The following AMOTL2 variants were observed in gnomAD, a reference collection of about 807,000 sequenced individuals.
AMOTL2 encodes angiomotin-like protein 2.
A neutral mutation model predicts 78.4 loss-of-function variants in AMOTL2; 33 were observed. The observed-to-expected ratio is 0.42, with a 90% CI of 0.32 to 0.56. The LOEUF (loss-of-function observed/expected upper bound fraction) is 0.56. AMOTL2 is among the 20% of genes least tolerant of loss of function. AMOTL2 has a pLI of 0.12. For synonymous variants in AMOTL2, 422 were observed against 428.8 expected (o/e 0.98, Z 0.20); for missense variants, 983 against 1,030.1 (o/e 0.95, Z 0.63).
chr3:134,359,574 T>A, intron 7 of AMOTL2, 71 bp from the exon 8 acceptor site: 1 of 1,334,944 alleles, frequency 7.5e-7, no homozygotes. Context: ...TCCTGCCTCA[T>A]AGGAGTTAGA....
At chr3:134,372,180 AC>A (rs1367229513) in intron 1 of AMOTL2, among the ~76,000 whole-genome samples, 5 of 151,914 alleles carry the variant, frequency 3.3e-5, no homozygotes, top group Non-Finnish European at 5.9e-5. Context: ...AGCCCGCTGA[AC>A]CCCTGGCCAC....
At chr3:134,372,530 A>AACACAC (rs58443336) in intron 1 of AMOTL2, among the ~76,000 whole-genome samples, 2,878 of 144,410 alleles carry the variant, frequency 0.02, 90 homozygotes, top group African/African-American at 0.063. Context: ...TATCCTCCCC[A>AACACAC]ACACACACAC....
At chr3:134,373,960 C>A in intron 1 of AMOTL2, 1 of 485,384 alleles carries the variant, frequency 2.1e-6, no homozygotes, top group Non-Finnish European at 2.7e-6. Context: ...CCCACCTAAC[C>A]AAATCAGCCC....
At chr3:134,364,222 C>G (rs911160516) in intron 5 of AMOTL2, among the ~76,000 whole-genome samples, 1 of 151,828 alleles carries the variant, frequency 6.6e-6, no homozygotes, top group Non-Finnish European at 1.5e-5. Flanking sequence ...GGGGGCGGGC[C>G]GGGAGCGGAA....
intron 4 of AMOTL2, among the ~76,000 whole-genome samples, 171 bp downstream of exon 4, chr3:134,366,111 CA>C (rs1443314094): frequency 6.6e-6 from 1 of 152,224 alleles, no homozygotes; most frequent in Non-Finnish European, 1.5e-5. Flanking sequence ...AGGCCCAGTA[CA>C]TAGAGACAAG....
At position 134,361,702 on chromosome 3, in the gene AMOTL2, A is replaced by G. The variant is rs1364557402; in HGVS notation, c.1385T>C (p.Leu462Pro). The change falls in exon 6 of 10, where the codon CTG (leucine) becomes CCG (proline). Residue 462 changes from leucine (L) to proline (P), a missense_variant. Physicochemically the swap from Leu to Pro is moderately conservative, Grantham distance 98. Coordinates refer to ENST00000249883, the MANE Select transcript of AMOTL2 (RefSeq NM_016201.4). ...AGCTGCCCGGCCCTGCGCATTGCCC[A>G]GAGCCTGCTCCAGCAGCTCGGCACG... ...RRRAELLEQA[L>P]GNAQGRAARA... is the part of the protein sequence containing the mutation. 7.5e-6 allele frequency: 12 copies of G among 1,610,550 alleles called. No homozygotes were observed. The highest frequency in any genetic ancestry group is 9.3e-6 in the Non-Finnish European group (11 of 1,179,240).
rs753216504 is a variant in AMOTL2 at position 134,359,493 on chromosome 3, G to A, written c.1894C>T (p.Leu632Phe). 8 of 1,613,314 alleles carry A rather than the reference G, an allele frequency of 5.0e-6. No homozygotes were observed. The highest frequency in any genetic ancestry group is 2.2e-5 in the South Asian group (2 of 90,926). ...TCCTTCTCCAGGATCTGGGCATGGA[G>A]CACCTTTAACCTGAGGGGTGAGAGG... ...HQEMESRLKVLHAQILEKDAV... is the reference protein window; with the variant it reads ...HQEMESRLKVFHAQILEKDAV... Residue 632 changes from leucine (L) to phenylalanine (F), a missense_variant, in exon 8 of 10, where the codon CTC becomes TTC. Leu to Phe is a conservative substitution (Grantham distance 22). Coordinates refer to ENST00000249883, the MANE Select transcript of AMOTL2 (RefSeq NM_016201.4).
chr3:134,374,104 C>T, intron 1 of AMOTL2: 1 of 518,056 alleles, frequency 1.9e-6, no homozygotes, highest in Non-Finnish European at 2.5e-6. Context: ...TCCCCCAGCC[C>T]CAAGAGACCC....
In AMOTL2 at chr3:134,360,260, G is replaced by A. The variant is rs145301642; in HGVS notation, c.1729C>T (p.Arg577Cys). ...TCCATGGCAAACTGCCTCATGGCAC[G>A]TTCCTCCAAATACTTCTGCTCCCAC... ...TKWEQKYLEE[R>C]AMRQFAMDAA... Residue 577 changes from arginine (R) to cysteine (C), a missense_variant, in exon 7 of 10, where the codon CGT (arginine) becomes TGT (cysteine). Physicochemically the swap from Arg to Cys is radical, Grantham distance 180 (BLOSUM62 -3). Transcript: ENST00000249883. The A allele has an allele frequency of 4.3e-6, 7 of 1,614,192 alleles. No individual in the cohort carries two copies. Among genetic ancestry groups the A allele is most frequent in the South Asian group, 3.3e-5 (3 of 91,086 alleles).
rs200581690 is a variant in AMOTL2 at position 134,365,857 on chromosome 3, C to T, written c.1239G>A (p.Gln413=). 7.2e-5 allele frequency: 117 copies of T among 1,614,204 alleles called. 1 individual carries two copies. The East Asian group carries it at 2.6e-3, about 35-fold the overall frequency. ...RRLASKTQEA[Q]AGSQDMVAKL... Reference sequence around the variant, plus strand: ...TGGCCACCATGTCCTGACTGCCGGCCTGGGCCTCCTGTGTCTTGCTTGCCA... The same window carrying T: ...TGGCCACCATGTCCTGACTGCCGGCTTGGGCCTCCTGTGTCTTGCTTGCCA... The change falls in exon 5 of 10, where the codon CAG becomes CAA. Residue 413 remains glutamine, a synonymous_variant. Transcript: ENST00000249883.
rs201797225 is a variant in AMOTL2, at chr3:134,367,677, G to A, written c.861C>T (p.Ser287=). 2 of 1,613,384 alleles carry A rather than the reference G, an allele frequency of 1.2e-6. No individual in the cohort carries two copies. The highest frequency in any genetic ancestry group is 1.3e-5 in the African/African-American group (1 of 75,024). The change falls in exon 3 of 10, where the codon TCC becomes TCT. Residue 287 remains serine (S), a synonymous_variant. Coordinates refer to ENST00000249883, the MANE Select transcript of AMOTL2 (RefSeq NM_016201.4). ...PAALGHGPLS[S]LSPPAVEGPV... is the part of the protein sequence containing the mutation. Reference sequence around the variant, plus strand: ...GCCCCTCCACAGCAGGTGGACTGAGGGAGCTCAGGGGGCCATGGCCGAGAG... The same window carrying A: ...GCCCCTCCACAGCAGGTGGACTGAGAGAGCTCAGGGGGCCATGGCCGAGAG...
At chr3:134,367,339 G>A (rs2017652791) in intron 3 of AMOTL2, among the ~76,000 whole-genome samples, 158 bp downstream of exon 3, 2 of 152,228 alleles carry the variant, frequency 1.3e-5, no homozygotes, top group African/African-American at 4.8e-5. Context: ...GCTCAGGAGG[G>A]TGCATGAGGA....
At chr3:134,374,579 C>T (rs1386119230), upstream of AMOTL2, 2 of 985,686 alleles carry the variant, frequency 2.0e-6, no homozygotes, top group African/African-American at 1.7e-5. Flanking sequence ...AGCGCACCGC[C>T]CTCCTCCGCC....
intron 2 of AMOTL2, among the ~76,000 whole-genome samples, chr3:134,369,272 T>G (rs1338234603): frequency 6.6e-6 from 1 of 152,168 alleles, no homozygotes; most frequent in Non-Finnish European, 1.5e-5. Context: ...CAAGGTTGCT[T>G]CAAGAACTTG....
At chr3:134,357,811 T>C (rs747721662) in intron 9 of AMOTL2, 48 bp from the exon 10 acceptor site, 215 of 1,580,040 alleles carry the variant, frequency 1.4e-4, no homozygotes, top group Non-Finnish European at 1.8e-4. Flanking sequence ...TGTTACTAGA[T>C]TGCTTTTAAA....
At position 134,366,294 on chromosome 3, in the gene AMOTL2, C is replaced by T. The variant is rs375446213; in HGVS notation, c.1175G>A (p.Arg392Gln). Residue 392 changes from arginine to glutamine, a missense_variant, in exon 4 of 10, where the codon CGG (arginine) becomes CAG (glutamine). Coordinates refer to ENST00000249883, the MANE Select transcript of AMOTL2 (RefSeq NM_016201.4). ...TGACTGGCTCTCACCTCTAAGATCC[C>T]GGTTGAAGTCTTGCAGCCTCCTCAT... is the stretch of plus-strand genomic sequence containing the variant. ...SEMRRLQDFN[R>Q]DLRERLESAN... 96 of 1,614,130 alleles carry T rather than the reference C, an allele frequency of 5.9e-5. No individual in the cohort carries two copies. Among genetic ancestry groups the T allele is most frequent in the Non-Finnish European group, 7.4e-5 (87 of 1,180,008 alleles).
At chr3:134,367,082 AT>A (rs573906828) in intron 3 of AMOTL2, among the ~76,000 whole-genome samples, 3 of 151,486 alleles carry the variant, frequency 2.0e-5, no homozygotes, top group East Asian at 1.9e-4. Flanking sequence ...CAAGTCGCCC[AT>A]TTTTTTTCCA....
chr3:134,362,509 C>T (rs1038551577), intron 5 of AMOTL2, among the ~76,000 whole-genome samples: 4 of 152,172 alleles, frequency 2.6e-5, no homozygotes, highest in Admixed American at 1.3e-4. Flanking sequence ...TCTGCAGACC[C>T]AGGCCGAGAG....
chr3:134,373,621 T>C, intron 1 of AMOTL2: 1 of 985,364 alleles, frequency 1.0e-6, no homozygotes, highest in African/African-American at 1.7e-5. Context: ...CCAAAGACAG[T>C]CTCCAAGCTA....
Sources: allele counts gnomAD v4.1 joint callset (sites outside exome capture counted in the v4.1 genomes callset), GRCh38; gene constraint gnomAD v4.1.1; transcripts MANE v1.5; gene names NCBI Gene and HGNC (gene_info 2026-07-23, HGNC 2026-07-21).